IL1RAPL2: variants seen among roughly 807,000 people sequenced by gnomAD.
The protein encoded by IL1RAPL2 is interleukin 1 receptor accessory protein like 2.
In IL1RAPL2, 3 loss-of-function variants were observed where a neutral mutation model predicts 44.1. The observed-to-expected ratio is 0.07, with a 90% CI of 0.03 to 0.18. The LOEUF is 0.18. Ranked by LOEUF, IL1RAPL2 falls within the 10% of genes least tolerant of loss-of-function variation. The pLI is 1.00. For synonymous variants in IL1RAPL2, 181 were observed against 178.8 expected (o/e 1.01, Z -0.10); for missense variants, 391 against 496.4 (o/e 0.79, Z 2.02).
chrX:105,099,587 C>A (rs2147559429), intron 2 of IL1RAPL2, among the ~76,000 whole-genome samples: 1 of 104,330 alleles, frequency 9.6e-6, no homozygotes, highest in East Asian at 3.1e-4. Flanking sequence ...GCCTCAGCCT[C>A]CTTAGTAGCT....
intron 2 of IL1RAPL2, among the ~76,000 whole-genome samples, chrX:104,671,153 T>C (rs998509471): frequency 1.8e-5 from 2 of 110,741 alleles, no homozygotes; most frequent in Non-Finnish European, 3.8e-5. Context: ...TATATGTATG[T>C]ATAGGTATAT....
chrX:105,106,928 G>C (rs1258347588), intron 2 of IL1RAPL2, among the ~76,000 whole-genome samples: 3 of 111,965 alleles, frequency 2.7e-5, no homozygotes. Context: ...GCACTTGACA[G>C]ATGGATGAGA....
chrX:105,359,803 G>A lies in IL1RAPL2; in HGVS notation c.697+92262G>A, dbSNP rs760496431. 8.2e-4 allele frequency among the ~76,000 whole-genome samples: 90 copies of A among 109,536 alleles called. No homozygotes were observed. In the Middle Eastern group the frequency reaches 0.014, roughly 17 times the overall value. ...ATAGTAGTAGTTTTAATTACCATTG[G>A]TTATCGTTCACCAATACTATGTTAA... On this transcript the variant is annotated intron_variant, in intron 5 of 10. Transcript: ENST00000372582.
intron 2 of IL1RAPL2, among the ~76,000 whole-genome samples, chrX:104,951,658 C>T (rs1226384702): frequency 2.7e-5 from 3 of 112,500 alleles, no homozygotes; most frequent in Non-Finnish European, 5.6e-5. Context: ...ATTGGCTTTG[C>T]AATGGAATAG....
chrX:104,586,773 G>A (rs1341938428), intron 1 of IL1RAPL2, among the ~76,000 whole-genome samples: 1 of 111,767 alleles, frequency 8.9e-6, no homozygotes, highest in Non-Finnish European at 1.9e-5. Flanking sequence ...CTTTTGCTGT[G>A]GAAAAAATCT....
intron 2 of IL1RAPL2, among the ~76,000 whole-genome samples, chrX:104,850,206 A>T (rs1449396907): frequency 3.7e-5 from 4 of 109,395 alleles, no homozygotes; most frequent in Admixed American, 9.8e-5. Context: ...TGGTAGTTGG[A>T]TTTTTTTTTT....
At chrX:104,747,370 A>G (rs1424704805) in intron 2 of IL1RAPL2, among the ~76,000 whole-genome samples, 1 of 110,625 alleles carries the variant, frequency 9.0e-6, no homozygotes, top group Non-Finnish European at 1.9e-5. Flanking sequence ...TCTTTCCTTC[A>G]ACAATTACTG....
At chrX:105,597,483 A>G (rs1466177834) in intron 6 of IL1RAPL2, among the ~76,000 whole-genome samples, 1 of 111,090 alleles carries the variant, frequency 9.0e-6, no homozygotes, top group African/African-American at 3.3e-5. Context: ...GCCTCAGGAA[A>G]CTTACAATCA....
chrX:105,076,463 C>A (rs1273490924), intron 2 of IL1RAPL2, among the ~76,000 whole-genome samples: 1 of 111,300 alleles, frequency 9.0e-6, no homozygotes, highest in Non-Finnish European at 1.9e-5. Flanking sequence ...TTACATCCAA[C>A]TATGTGTTCA....
chrX:105,407,370 G>C (rs1405026716), intron 5 of IL1RAPL2, among the ~76,000 whole-genome samples: 1 of 111,049 alleles, frequency 9.0e-6, no homozygotes, highest in Non-Finnish European at 1.9e-5. Flanking sequence ...AAATAGGAAT[G>C]ATGTGGAAAT....
chrX:105,527,693 A>G (rs1454506316), intron 6 of IL1RAPL2, among the ~76,000 whole-genome samples: 1 of 111,085 alleles, frequency 9.0e-6, no homozygotes, highest in Non-Finnish European at 1.9e-5. Flanking sequence ...ATACATGGCA[A>G]ATTGGTAGCA....
chrX:104,905,785 G>A (rs1218851000), intron 2 of IL1RAPL2, among the ~76,000 whole-genome samples: 1 of 111,130 alleles, frequency 9.0e-6, no homozygotes, highest in African/African-American at 3.3e-5. Flanking sequence ...TTGGCGATCT[G>A]GGCTCTTTTT....
At chrX:105,094,969 C>T (rs1454555973) in intron 2 of IL1RAPL2, among the ~76,000 whole-genome samples, 1 of 111,324 alleles carries the variant, frequency 9.0e-6, no homozygotes, top group South Asian at 3.8e-4. Context: ...AATTCATTTT[C>T]AGATCCTTGG....
chrX:105,016,170 T>C (rs762589941), intron 2 of IL1RAPL2, among the ~76,000 whole-genome samples: 110 of 111,959 alleles, frequency 9.8e-4, no homozygotes, highest in African/African-American at 3.5e-3. Flanking sequence ...TTTATTATCC[T>C]GAGAGTTTGC....
intron 2 of IL1RAPL2, among the ~76,000 whole-genome samples, chrX:105,101,033 A>G (rs1182547540): frequency 8.9e-6 from 1 of 112,423 alleles, no homozygotes; most frequent in Admixed American, 9.4e-5. Flanking sequence ...AACATTACTT[A>G]TATTTGATGC....
intron 1 of IL1RAPL2, among the ~76,000 whole-genome samples, chrX:104,614,180 A>G (rs1039000557): frequency 4.5e-5 from 5 of 110,819 alleles, no homozygotes; most frequent in African/African-American, 1.6e-4. Context: ...GGATTTTTAC[A>G]TCTCAATTTC....
rs1386822049 is a variant in IL1RAPL2 at position 104,752,005 on chromosome X, T to C, written c.82+93010T>C. 2.7e-5 allele frequency among the ~76,000 whole-genome samples: 3 copies of C among 111,357 alleles called. No individual in the cohort carries two copies. In the East Asian group the frequency reaches 8.5e-4, roughly 32 times the overall value. ...CCCCCATCTCTCTCTTTCTGAGTAA[T>C]ACATAAGAAAGTTACCAGTTTCCAA... On this transcript the variant is annotated intron_variant, in intron 2 of 10. Coordinates refer to ENST00000372582, the MANE Select transcript of IL1RAPL2 (RefSeq NM_017416.2).
At chrX:104,702,434 T>C (rs1365134145) in intron 2 of IL1RAPL2, among the ~76,000 whole-genome samples, 1 of 111,965 alleles carries the variant, frequency 8.9e-6, no homozygotes, top group Non-Finnish European at 1.9e-5. Context: ...AAAGCACTTA[T>C]AGTTTTTACA....
chrX:104,892,755 A>G (rs1336178298), intron 2 of IL1RAPL2, among the ~76,000 whole-genome samples: 1 of 111,104 alleles, frequency 9.0e-6, no homozygotes, highest in Non-Finnish European at 1.9e-5. Flanking sequence ...TCCTGGATTC[A>G]TTGATTTTTT....
Sources: allele counts gnomAD v4.1 joint callset (sites outside exome capture counted in the v4.1 genomes callset), GRCh38; gene constraint gnomAD v4.1.1; transcripts MANE v1.5; gene names NCBI Gene and HGNC (gene_info 2026-07-23, HGNC 2026-07-21).